MTFR2: variants seen among roughly 807,000 people sequenced by gnomAD.
MTFR2 encodes the protein mitochondrial fission regulator 2, also known as DUF729 domain-containing protein 1.
Under a neutral mutation model 41.2 loss-of-function variants are expected in MTFR2, and 44 were observed. The ratio of observed to expected loss-of-function variants is 1.07; its 90% CI spans 0.84 to 1.37. The LOEUF is 1.37. Ranked by LOEUF, MTFR2 falls within the 40% of genes most tolerant of loss-of-function variation. The pLI is 0.00. For missense variants in MTFR2, 452 were observed against 459.5 expected (o/e 0.98, Z 0.15); for synonymous variants, 141 against 154.6 (o/e 0.91, Z 0.65).
At chr6:136,240,542 T>A (rs888687634) in intron 5 of MTFR2, among the ~76,000 whole-genome samples, 1 of 152,192 alleles carries the variant, frequency 6.6e-6, no homozygotes, top group African/African-American at 2.4e-5. Flanking sequence ...TGAAAAGCAT[T>A]CAGTACCTAG....
At chr6:136,234,953 A>G (rs1779865821) in intron 6 of MTFR2, among the ~76,000 whole-genome samples, 1 of 152,210 alleles carries the variant, frequency 6.6e-6, no homozygotes, top group South Asian at 2.1e-4. Flanking sequence ...GCTGGAGTAT[A>G]GTGGCTCACT....
chr6:136,248,622 A>C (rs560765188), intron 2 of MTFR2: 1 of 162,962 alleles, frequency 6.1e-6, no homozygotes, highest in Non-Finnish European at 1.3e-5. Flanking sequence ...TGTCTTTATT[A>C]GCAGCATGAG....
At chr6:136,241,375 C>T (rs1780064724) in intron 5 of MTFR2, 69 bp downstream of exon 5, 2 of 1,232,838 alleles carry the variant, frequency 1.6e-6, no homozygotes, top group Admixed American at 2.0e-5. Flanking sequence ...CAGTATCATG[C>T]TGTACAGGTT....
intron 5 of MTFR2, 50 bp downstream of exon 5, chr6:136,241,394 C>A: frequency 6.7e-7 from 1 of 1,483,046 alleles, no homozygotes; most frequent in Admixed American, 1.9e-5. Context: ...TTGGTATAGG[C>A]TATACCATGA....
At position 136,239,533 on chromosome 6, in the gene MTFR2, T is replaced by A; in HGVS notation, c.802A>T (p.Lys268Ter). The change falls in exon 6 of 8, where the codon AAA becomes TAA. Residue 268 changes from lysine to a stop codon, truncating the protein, a stop_gained. Transcript: ENST00000420702. LOFTEE classifies it high-confidence loss of function. ...YSHHSKSQRN[K>*]DIPNMLDVLK... ...ACGTCCAACATGTTTGGAATATCTT[T>A]ATTTCTCTGGCTTTTTGAATGATGA... 6.2e-7 allele frequency: 1 copy of A among 1,614,216 alleles called. No homozygotes were observed. Among genetic ancestry groups the A allele is most frequent in the East Asian group, 2.2e-5 (1 of 44,888 alleles).
chr6:136,235,212 C>T (rs114424491), intron 6 of MTFR2, among the ~76,000 whole-genome samples: 424 of 139,186 alleles, frequency 3.0e-3, no homozygotes, highest in African/African-American at 0.012. Context: ...CTTAAGCAAC[C>T]GGGTGATCGT....
intron 6 of MTFR2, among the ~76,000 whole-genome samples, chr6:136,238,996 AGGT>A (rs1404852275): frequency 6.6e-6 from 1 of 152,190 alleles, no homozygotes; most frequent in African/African-American, 2.4e-5. Flanking sequence ...TGAGCCCAGG[AGGT>A]CGAGGCTGCA....
intron 5 of MTFR2, among the ~76,000 whole-genome samples, chr6:136,240,961 G>T (rs780242606): frequency 1.6e-4 from 24 of 152,098 alleles, no homozygotes; most frequent in Non-Finnish European, 2.9e-4. Context: ...CGTGGTGGCG[G>T]GCGCCTGTAG....
At chr6:136,246,264 CGTTGTT>C (rs927121835) in intron 2 of MTFR2, among the ~76,000 whole-genome samples, 1 of 151,068 alleles carries the variant, frequency 6.6e-6, no homozygotes, top group Non-Finnish European at 1.5e-5. Flanking sequence ...TCACCATTTT[CGTTGTT>C]GTTGTTGTTT....
chr6:136,231,669 T>TAAAA (rs71006791), intron 7 of MTFR2, among the ~76,000 whole-genome samples: 46 of 82,854 alleles, frequency 5.6e-4, no homozygotes, highest in South Asian at 1.5e-3. Context: ...AAAAACTATG[T>TAAAA]AAAAAAAAAA....
At chr6:136,240,972 T>C (rs1304344322) in intron 5 of MTFR2, among the ~76,000 whole-genome samples, 2 of 152,006 alleles carry the variant, frequency 1.3e-5, no homozygotes, top group East Asian at 3.9e-4. Context: ...GCGCCTGTAG[T>C]CCCAGCTACT....
At chr6:136,232,448 G>A (rs1038171807) in intron 7 of MTFR2, among the ~76,000 whole-genome samples, 16 of 152,034 alleles carry the variant, frequency 1.1e-4, no homozygotes, top group South Asian at 2.1e-4. Context: ...TAGTAGAGAC[G>A]AGGTTTCACC....
Position 136,231,140 on chromosome 6 carries a change from G to A in MTFR2, c.*135C>T, listed in dbSNP as rs1779740903. On this transcript the variant is annotated 3_prime_UTR_variant, in exon 8 of 8. Coordinates refer to ENST00000420702, the MANE Select transcript of MTFR2 (RefSeq NM_001099286.3). ...ACAGGCATACATATTTACATAGCAA[G>A]TGTAGGCAAAATGTGTCAAGAAGAG... 1 of 601,158 alleles carries A rather than the reference G, an allele frequency of 1.7e-6. No individual in the cohort carries two copies. The highest frequency in any genetic ancestry group is 2.2e-5 in the South Asian group (1 of 45,412). The allele number at this position is 601,158 out of a possible 1,614,324, so 37.2% of individuals were successfully genotyped here.
At position 136,240,967 on chromosome 6, in the gene MTFR2, T is replaced by C. The variant is rs537575939; in HGVS notation, c.514+477A>G. ...TTAGCCGAGCGTGGTGGCGGGCGCC[T>C]GTAGTCCCAGCTACTCGAGAGGCTG... On this transcript the variant is annotated intron_variant, in intron 5 of 7. Coordinates refer to ENST00000420702, the MANE Select transcript of MTFR2 (RefSeq NM_001099286.3). Among the ~76,000 whole-genome samples the C allele has an allele frequency of 9.9e-5, 15 of 152,110 alleles. No homozygotes were observed. In the South Asian group the frequency reaches 2.9e-3, roughly 29 times the overall value.
At chr6:136,238,872 G>A (rs776981821) in intron 6 of MTFR2, among the ~76,000 whole-genome samples, 2 of 152,132 alleles carry the variant, frequency 1.3e-5, no homozygotes, top group Non-Finnish European at 2.9e-5. Context: ...TTAGAGACCA[G>A]CCTGGGCAAC....
Position 136,231,080 on chromosome 6 carries a change from T to C in MTFR2, c.*195A>G, listed in dbSNP as rs1779739735. ...AAGCTCTATGTACAGAAGAACAGAG[T>C]ATAAACGTAAAAAGGAACAAAGGAA... On this transcript the variant is annotated 3_prime_UTR_variant, in exon 8 of 8. Coordinates refer to ENST00000420702, the MANE Select transcript of MTFR2 (RefSeq NM_001099286.3). The C allele has an allele frequency of 1.9e-6, 1 of 514,194 alleles. No homozygotes were observed. Among genetic ancestry groups the C allele is most frequent in the Non-Finnish European group, 3.4e-6 (1 of 290,220 alleles). The allele number at this position is 514,194 out of a possible 1,614,324, so 31.9% of individuals were successfully genotyped here. A position where few individuals can be genotyped will look rare whatever the true frequency, so the allele number is the denominator to read the frequency against.
chr6:136,236,963 C>G (rs9483919), intron 6 of MTFR2, among the ~76,000 whole-genome samples: 1 of 152,048 alleles, frequency 6.6e-6, no homozygotes, highest in Admixed American at 6.5e-5. Context: ...AACCAGATGC[C>G]GGAAGCTGGA....
chr6:136,234,325 A>G (rs189015841), intron 6 of MTFR2, among the ~76,000 whole-genome samples: 1 of 150,738 alleles, frequency 6.6e-6, no homozygotes, highest in African/African-American at 2.4e-5. Context: ...AAAAAAAACT[A>G]AATTAAAAAA....
chr6:136,249,217 C>A (rs972638209), intron 1 of MTFR2, 64 bp from the exon 2 acceptor site: 5 of 670,672 alleles, frequency 7.5e-6, no homozygotes, highest in Non-Finnish European at 1.2e-5. Flanking sequence ...ACTACATAAC[C>A]TGGAAAAGTC....
Sources: gnomAD v4.1 joint callset for allele counts (sites outside exome capture counted in the v4.1 genomes callset) on GRCh38, gnomAD v4.1.1 for gene constraint, MANE v1.5 for transcripts, NCBI Gene and HGNC (gene_info 2026-07-23, HGNC 2026-07-21) for gene names.